The following FHOD3 variants were observed in gnomAD, a reference collection of about 807,000 sequenced individuals.
FHOD3 encodes the protein FH1/FH2 domain-containing protein 3.
A neutral mutation model predicts 173.0 loss-of-function variants in FHOD3; 90 were observed. That is an observed-to-expected ratio of 0.52 (90% CI 0.44 to 0.62). The LOEUF is 0.62. FHOD3 is among the 20% of genes least tolerant of loss of function. FHOD3 has a pLI of 0.00. For synonymous variants in FHOD3, 828 were observed against 823.0 expected, an observed-to-expected ratio of 1.01 and a Z score of -0.10; for missense variants, 1,945 against 2,034.7, an observed-to-expected ratio of 0.96 and a Z score of 0.85.
chr18:36,463,444 T>TATA lies in FHOD3; in HGVS notation c.338-38488_338-38487insATA, dbSNP rs376794035. Among the ~76,000 whole-genome samples, 6 of 4,122 alleles carry TATA rather than the reference T, an allele frequency of 1.5e-3. No individual in the cohort carries two copies. The East Asian group carries it at 0.026, about 18-fold the overall frequency. 2.7% of individuals were successfully genotyped at this position (4,122 alleles called of 152,430 possible). A position where few individuals can be genotyped will look rare whatever the true frequency, so the allele number is the denominator to read the frequency against. On this transcript the variant is annotated intron_variant, in intron 3 of 28. Transcript: ENST00000590592. ...TATATATTTTTATTTAAAAAATATA[T>TATA]TTTTTATTTAAAAAATATTTTTGTT...
intron 6 of FHOD3, among the ~76,000 whole-genome samples, chr18:36,593,573 C>T (rs1366727138): frequency 6.6e-6 from 1 of 152,116 alleles, no homozygotes; most frequent in Non-Finnish European, 1.5e-5. Flanking sequence ...ACCCATGTCC[C>T]CTAACACTGT....
At chr18:36,560,713 T>C (rs1020968553) in intron 5 of FHOD3, among the ~76,000 whole-genome samples, 1 of 152,106 alleles carries the variant, frequency 6.6e-6, no homozygotes, top group Non-Finnish European at 1.5e-5. Flanking sequence ...ACACCTCTCA[T>C]AGATCGCCAC....
intron 3 of FHOD3, among the ~76,000 whole-genome samples, chr18:36,415,625 G>A (rs17565409): frequency 0.15 from 23,056 of 152,194 alleles, 1,967 homozygotes; most frequent in South Asian, 0.34. Flanking sequence ...TTTAAAATTT[G>A]CCAGGCTGCA....
chr18:36,399,960 T>G (rs971987714), intron 3 of FHOD3, among the ~76,000 whole-genome samples: 1 of 152,070 alleles, frequency 6.6e-6, no homozygotes, highest in South Asian at 2.1e-4. Context: ...AATCATAGAG[T>G]TCCTTCATTC....
chr18:36,386,250 T>C (rs539120972), intron 3 of FHOD3, among the ~76,000 whole-genome samples: 1 of 152,324 alleles, frequency 6.6e-6, no homozygotes, highest in Non-Finnish European at 1.5e-5. Flanking sequence ...TTAGAAGCTG[T>C]CCGTCCTCTG....
chr18:36,751,317 G>A (rs1395322491), intron 24 of FHOD3, among the ~76,000 whole-genome samples: 1 of 152,140 alleles, frequency 6.6e-6, no homozygotes, highest in Non-Finnish European at 1.5e-5. Flanking sequence ...AGTGATTTTT[G>A]TACATTGATT....
intron 8 of FHOD3, among the ~76,000 whole-genome samples, chr18:36,603,282 T>C (rs2031640741): frequency 6.6e-6 from 1 of 152,028 alleles, no homozygotes; most frequent in Non-Finnish European, 1.5e-5. Context: ...TGTACACCCA[T>C]CACAGTGGCT....
At chr18:36,379,635 G>A (rs1488576953) in intron 3 of FHOD3, among the ~76,000 whole-genome samples, 2 of 152,200 alleles carry the variant, frequency 1.3e-5, no homozygotes, top group African/African-American at 4.8e-5. Context: ...TAAATCACGT[G>A]CTGGCAGTTA....
chr18:36,714,572 C>A (rs1452439086), intron 18 of FHOD3, among the ~76,000 whole-genome samples: 1 of 152,130 alleles, frequency 6.6e-6, no homozygotes, highest in Non-Finnish European at 1.5e-5. Flanking sequence ...TATTATTTTC[C>A]CTGTTCCCAA....
chr18:36,617,608 T>TGC (rs2033324652), intron 9 of FHOD3, among the ~76,000 whole-genome samples: 1 of 129,486 alleles, frequency 7.7e-6, no homozygotes, highest in Non-Finnish European at 1.6e-5. Flanking sequence ...TGTGTGTGTG[T>TGC]GTGTGTGTGT....
intron 24 of FHOD3, among the ~76,000 whole-genome samples, chr18:36,751,626 A>G (rs2042405270): frequency 6.6e-6 from 1 of 152,128 alleles, no homozygotes; most frequent in Non-Finnish European, 1.5e-5. Context: ...GATGGCCCTT[A>G]TTATTATATT....
In FHOD3 at chr18:36,743,882, C is replaced by T. The variant is rs1184387546; in HGVS notation, c.3880-150C>T. 4.7e-6 allele frequency: 4 copies of T among 842,586 alleles called. No homozygotes were observed. The Admixed American group carries it at 6.3e-5, about 13-fold the overall frequency. The allele number at this position is 842,586 out of a possible 1,614,324, so 52.2% of individuals were successfully genotyped here. On this transcript the variant is annotated intron_variant, in intron 22 of 28. Transcript: ENST00000590592. The stretch of plus-strand genomic sequence containing the variant: ...GGGTGGCTGGCCCATGTGTGATCAG[C>T]CATGGATCATGGAGCATGTGGCCCC...
intron 9 of FHOD3, 65 bp from the exon 10 acceptor site, chr18:36,625,446 C>T (rs2034025485): frequency 2.3e-6 from 3 of 1,292,246 alleles, no homozygotes; most frequent in East Asian, 2.8e-5. Flanking sequence ...GAAATGCAGT[C>T]ACACCTGAGG....
chr18:36,612,829 G>T (rs1421851131), intron 9 of FHOD3, among the ~76,000 whole-genome samples: 1 of 152,172 alleles, frequency 6.6e-6, no homozygotes, highest in Non-Finnish European at 1.5e-5. Context: ...TACCAAAACA[G>T]CAGAAACAGT....
At chr18:36,624,428 GT>G (rs1315873445) in intron 9 of FHOD3, among the ~76,000 whole-genome samples, 1 of 152,222 alleles carries the variant, frequency 6.6e-6, no homozygotes, top group Non-Finnish European at 1.5e-5. Context: ...CTGCTGTCCA[GT>G]TTTAGAGAAT....
At chr18:36,715,126 G>A (rs55643827) in intron 18 of FHOD3, among the ~76,000 whole-genome samples, 33,156 of 152,098 alleles carry the variant, frequency 0.22, 4,310 homozygotes, top group African/African-American at 0.36. Flanking sequence ...CAGCCCTGAT[G>A]AGGTTTGGCT....
chr18:36,541,278 A>G (rs1186290518), intron 5 of FHOD3, among the ~76,000 whole-genome samples: 1 of 149,780 alleles, frequency 6.7e-6, no homozygotes, highest in African/African-American at 2.5e-5. Context: ...AAAAAGAAAG[A>G]AAAAAGAAAA....
intron 5 of FHOD3, among the ~76,000 whole-genome samples, chr18:36,541,249 C>CAAAAAAAAAAAAAAAAAA (rs770104487): frequency 2.5e-5 from 1 of 40,352 alleles, no homozygotes; most frequent in Non-Finnish European, 5.2e-5. Flanking sequence ...GACTCTGTCT[C>CAAAAAAAAAAAAAAAAAA]AAAAAAAAAA....
At position 36,718,381 on chromosome 18, in the gene FHOD3, C is replaced by T. The variant is rs2040578194; in HGVS notation, c.3083C>T (p.Thr1028Ile). 1 of 1,498,898 alleles carries T rather than the reference C, an allele frequency of 6.7e-7. No individual in the cohort carries two copies. The highest frequency in any genetic ancestry group is 8.9e-7 in the Non-Finnish European group (1 of 1,119,690). The allele number at this position is 1,498,898 out of a possible 1,614,324, so 92.8% of individuals were successfully genotyped here. A position where few individuals can be genotyped will look rare whatever the true frequency, so the allele number is the denominator to read the frequency against. ...APGPPPPPPP[T>I]FLGLPPPPPP... The stretch of plus-strand genomic sequence containing the variant: ...GGGCCACCTCCCCCACCCCCACCCA[C>T]CTTTCTGGGTTTGCCGCCCCCACCC... Residue 1028 changes from threonine (T) to isoleucine (I), a missense_variant, in exon 19 of 29, where the codon ACC (threonine) becomes ATC (isoleucine). Around this residue, in one of 5 missense-constraint regions of FHOD3, gnomAD observed 1,099 missense variants for 1,051.2 expected, o/e 1.05. Transcript: ENST00000590592.
Sources: allele counts gnomAD v4.1 joint callset (sites outside exome capture counted in the v4.1 genomes callset), GRCh38; gene constraint gnomAD v4.1.1; regional missense constraint gnomAD v4.1.1; transcripts MANE v1.5; gene names NCBI Gene and HGNC (gene_info 2026-07-23, HGNC 2026-07-21).